TOPAZ1: variants seen among roughly 807,000 people sequenced by gnomAD.
The protein encoded by TOPAZ1 is testis and ovary specific TOPAZ 1, also known as protein TOPAZ1.
A neutral mutation model predicts 172.2 loss-of-function variants in TOPAZ1; 66 were observed. The ratio of observed to expected loss-of-function variants is 0.38; its 90% confidence interval spans 0.31 to 0.47. TOPAZ1 has a LOEUF of 0.47. Among genes scored for constraint, TOPAZ1 ranks in the 20% least tolerant of loss-of-function variants. The pLI is 0.99. For synonymous variants in TOPAZ1, 681 were observed against 683.9 expected (o/e 1.00, Z 0.07); for missense variants, 1,822 against 1,972.4 (o/e 0.92, Z 1.44).
intron 2 of TOPAZ1, among the ~76,000 whole-genome samples, chr3:44,246,218 A>G (rs913656669): frequency 6.6e-6 from 1 of 152,228 alleles, no homozygotes; most frequent in Non-Finnish European, 1.5e-5. Flanking sequence ...AAATGGGGCC[A>G]AGTAGTAACC....
At chr3:44,283,117 A>G (rs1309254882) in intron 9 of TOPAZ1, among the ~76,000 whole-genome samples, 1 of 152,208 alleles carries the variant, frequency 6.6e-6, no homozygotes, top group Non-Finnish European at 1.5e-5. Context: ...AAGATCCAAT[A>G]TGGCCACAGG....
rs116438050 is a variant in TOPAZ1, at chr3:44,329,080, A to C, written c.4859+647A>C. On this transcript the variant is annotated intron_variant, in intron 19 of 19. Transcript: ENST00000309765. ...TCCTGTTTTAGAGCTTCTTGACAAG[A>C]ATTTTGCTTCAGTTTACTGGTGTGA... 8.9e-3 allele frequency among the ~76,000 whole-genome samples: 1,356 copies of C among 152,340 alleles called. 20 individuals are homozygous for C. The highest frequency in any genetic ancestry group is 0.031 in the African/African-American group (1,309 of 41,564).
intron 8 of TOPAZ1, among the ~76,000 whole-genome samples, chr3:44,275,771 T>A (rs1032902006): frequency 2.6e-5 from 4 of 151,954 alleles, no homozygotes; most frequent in African/African-American, 9.7e-5. Flanking sequence ...TTAAGAAATC[T>A]CCATACTGTT....
chr3:44,308,065 G>A (rs924197202), intron 15 of TOPAZ1, among the ~76,000 whole-genome samples: 8 of 152,122 alleles, frequency 5.3e-5, no homozygotes, highest in African/African-American at 4.8e-5. Flanking sequence ...CTTGAGGTCC[G>A]GAGTTCAAGA....
rs577525204 is a variant in TOPAZ1 at position 44,257,514 on chromosome 3, G to A, written c.2955+1236G>A. Among the ~76,000 whole-genome samples the A allele has an allele frequency of 2.9e-5, 4 of 137,904 alleles. No homozygotes were observed. In the East Asian group the frequency reaches 8.7e-4, roughly 30 times the overall value. The allele number at this position is 137,904 out of a possible 152,430, so 90.5% of individuals were successfully genotyped here. On this transcript the variant is annotated intron_variant, in intron 4 of 19. Transcript: ENST00000309765. ...TGTGTGTGTGTGTGTGTGTGTGAATGATTCTTTTCCAGAGGCCTTTTCTTT... is the reference window on the plus strand; with the variant it reads ...TGTGTGTGTGTGTGTGTGTGTGAATAATTCTTTTCCAGAGGCCTTTTCTTT...
At chr3:44,330,514 C>G (rs1700655859) in intron 19 of TOPAZ1, among the ~76,000 whole-genome samples, 1 of 152,208 alleles carries the variant, frequency 6.6e-6, no homozygotes, top group Admixed American at 6.5e-5. Flanking sequence ...TAGTTGGCAT[C>G]TGCACCACCT....
chr3:44,305,104 T>C, intron 13 of TOPAZ1, 43 bp from the exon 14 acceptor site: 5 of 1,375,914 alleles, frequency 3.6e-6, no homozygotes, highest in Non-Finnish European at 4.9e-6. Context: ...GACATAGTTT[T>C]CATTCTTTTT....
Position 44,243,610 on chromosome 3 carries a change from T to C in TOPAZ1, c.1104T>C (p.Asp368=). The C allele has an allele frequency of 6.4e-7, 1 of 1,550,514 alleles. No homozygotes were observed. Among genetic ancestry groups the C allele is most frequent in the Non-Finnish European group, 8.7e-7 (1 of 1,146,968 alleles). Residue 368 remains aspartate, a synonymous_variant, in exon 2 of 20, where the codon GAT becomes GAC. Transcript: ENST00000309765. ...LMLQENQMIA[D]GKEAETKSPL... ...TGCAAGAAAATCAAATGATTGCTGA[T>C]GGTAAAGAAGCAGAGACTAAAAGTC...
chr3:44,257,465 ATATAGTGT>A (rs1361468126), intron 4 of TOPAZ1, among the ~76,000 whole-genome samples: 5 of 84,908 alleles, frequency 5.9e-5, no homozygotes, highest in Admixed American at 2.7e-4. Context: ...TTATATATAT[ATATAGTGT>A]GTGTGTGTGT....
At chr3:44,314,180 G>A (rs9820952) in intron 16 of TOPAZ1, among the ~76,000 whole-genome samples, 70,589 of 151,766 alleles carry the variant, frequency 0.47, 17,552 homozygotes, top group East Asian at 0.81. Context: ...GCCCACCTCG[G>A]CCTCCCAAAG....
Position 44,242,134 on chromosome 3 carries a change from GCCAGGGCCAGGCGCGGCGGGAGGCT to G in TOPAZ1, c.82_106del (p.Pro28ValfsTer54). ...TGCGAAACCTGCAGAAGCGGCAGGCGCCAGGGCCAGGCGCGGCGGGAGGCTGTGGCCCTGAGGCCGGGGGGTGCCG... is the reference window on the plus strand; with the variant it reads ...TGCGAAACCTGCAGAAGCGGCAGGCGGTGGCCCTGAGGCCGGGGGGTGCCG... On this transcript the variant is annotated frameshift_variant, in exon 1 of 20. Transcript: ENST00000309765. LOFTEE classifies it high-confidence loss of function. 6 of 1,548,994 alleles carry G rather than the reference GCCAGGGCCAGGCGCGGCGGGAGGCT, an allele frequency of 3.9e-6. No individual in the cohort carries two copies. Among genetic ancestry groups the G allele is most frequent in the Non-Finnish European group, 5.2e-6 (6 of 1,146,516 alleles).
chr3:44,306,779 T>C (rs1700340933), intron 15 of TOPAZ1, among the ~76,000 whole-genome samples: 2 of 152,150 alleles, frequency 1.3e-5, no homozygotes, highest in South Asian at 2.1e-4. Context: ...ATGCCAGAGA[T>C]TGCAAATGTT....
chr3:44,271,405 T>C (rs1559532629), intron 8 of TOPAZ1, among the ~76,000 whole-genome samples: 1 of 152,174 alleles, frequency 6.6e-6, no homozygotes, highest in Non-Finnish European at 1.5e-5. Context: ...TTTCAATGTT[T>C]ATTGGGCATT....
At chr3:44,313,343 G>A (rs1700415729) in intron 16 of TOPAZ1, among the ~76,000 whole-genome samples, 1 of 152,096 alleles carries the variant, frequency 6.6e-6, no homozygotes. Context: ...CAGGTGCGGT[G>A]GCTCATGCCT....
chr3:44,294,699 T>G (rs1700174839), intron 12 of TOPAZ1, among the ~76,000 whole-genome samples: 1 of 152,184 alleles, frequency 6.6e-6, no homozygotes, highest in Admixed American at 6.5e-5. Flanking sequence ...AGAGGTAGGA[T>G]TTCAACATGT....
Position 44,320,520 on chromosome 3 carries a change from C to T in TOPAZ1, c.4307-507C>T, listed in dbSNP as rs534815623. 5.9e-5 allele frequency among the ~76,000 whole-genome samples: 9 copies of T among 152,256 alleles called. No individual in the cohort carries two copies. In the South Asian group the frequency reaches 1.7e-3, roughly 28 times the overall value. On this transcript the variant is annotated intron_variant, in intron 16 of 19. Transcript: ENST00000309765. ...GGCTGAGGCAGGAGAATCACTTGAA[C>T]CCGGGAGGCGGAGGTTGCAGTGAGC...
At chr3:44,265,299 C>T (rs1340571422) in intron 5 of TOPAZ1, among the ~76,000 whole-genome samples, 4 of 152,186 alleles carry the variant, frequency 2.6e-5, no homozygotes, top group Non-Finnish European at 5.9e-5. Context: ...TGGTGGCTCA[C>T]GCCTGTAATC....
intron 12 of TOPAZ1, among the ~76,000 whole-genome samples, chr3:44,295,670 A>G (rs923813619): frequency 6.6e-6 from 1 of 152,220 alleles, no homozygotes; most frequent in African/African-American, 2.4e-5. Context: ...GATGATCAAT[A>G]TGCCAAGAAG....
intron 12 of TOPAZ1, among the ~76,000 whole-genome samples, chr3:44,299,747 A>G (rs564427468): frequency 8.0e-5 from 12 of 150,442 alleles, no homozygotes; most frequent in Non-Finnish European, 1.2e-4. Flanking sequence ...TGTGGCACAT[A>G]TACACCATGG....
Sources: allele counts gnomAD v4.1 joint callset (sites outside exome capture counted in the v4.1 genomes callset), GRCh38; gene constraint gnomAD v4.1.1; transcripts MANE v1.5; gene names NCBI Gene and HGNC (gene_info 2026-07-23, HGNC 2026-07-21).